PTPRD: variants seen among roughly 807,000 people sequenced by gnomAD.
PTPRD encodes receptor-type tyrosine-protein phosphatase delta.
Under a neutral mutation model 214.5 loss-of-function variants are expected in PTPRD, and 34 were observed. The observed-to-expected ratio is 0.16, with a 90% CI of 0.12 to 0.21. The LOEUF (loss-of-function observed/expected upper bound fraction) is 0.21, where lower values mean the gene tolerates loss of function less well. Ranked by LOEUF, PTPRD falls within the 10% of genes least tolerant of loss-of-function variation. The probability of loss-of-function intolerance (pLI) is 1.00; values close to 1 mark genes in which losing one functional copy is unlikely to be tolerated. For synonymous variants in PTPRD, 1,128 were observed against 845.7 expected, an observed-to-expected ratio of 1.33 and a Z score of -5.79; for missense variants, 2,545 against 2,398.7, an observed-to-expected ratio of 1.06 and a Z score of -1.27.
chr9:9,005,943 A>T (rs1046359320), intron 11 of PTPRD, among the ~76,000 whole-genome samples: 2 of 152,038 alleles, frequency 1.3e-5, no homozygotes, highest in Non-Finnish European at 2.9e-5. Flanking sequence ...TGGAAAATAT[A>T]CAGTTCTAGA....
chr9:9,423,816 C>A lies in PTPRD; in HGVS notation c.-236-26334G>T, dbSNP rs549690481. On this transcript the variant is annotated intron_variant, in intron 8 of 45. Transcript: ENST00000381196. ...TGGTGATTTGAAACATAAAGCAGTA[C>A]AAAATATTCTAGTTGATATACAGAG... Among the ~76,000 whole-genome samples, 307 of 152,072 alleles carry A rather than the reference C, an allele frequency of 2.0e-3. 1 individual carries two copies. The highest frequency in any genetic ancestry group is 6.7e-3 in the African/African-American group (277 of 41,474).
intron 3 of PTPRD, among the ~76,000 whole-genome samples, chr9:10,275,627 C>T (rs959846161): frequency 2.6e-5 from 4 of 152,026 alleles, no homozygotes; most frequent in Non-Finnish European, 5.9e-5. Flanking sequence ...AAAAAAGGGG[C>T]CAGTATCCAT....
At chr9:9,763,059 T>C (rs941233446) in intron 6 of PTPRD, among the ~76,000 whole-genome samples, 2 of 152,206 alleles carry the variant, frequency 1.3e-5, no homozygotes, top group African/African-American at 4.8e-5. Flanking sequence ...GATCTCTTCC[T>C]CTTCTTATAC....
intron 3 of PTPRD, among the ~76,000 whole-genome samples, chr9:10,249,907 G>A (rs972706834): frequency 1.1e-4 from 17 of 151,998 alleles, no homozygotes; most frequent in African/African-American, 3.9e-4. Flanking sequence ...TAAATAAAGC[G>A]CTTAAATATT....
chr9:9,438,846 A>C (rs757955413), intron 8 of PTPRD, among the ~76,000 whole-genome samples: 3 of 152,160 alleles, frequency 2.0e-5, no homozygotes, highest in Non-Finnish European at 4.4e-5. Context: ...ATTGAACATA[A>C]ATGTATCATT....
At chr9:10,511,173 C>A (rs1412899664) in intron 2 of PTPRD, among the ~76,000 whole-genome samples, 1 of 151,998 alleles carries the variant, frequency 6.6e-6, no homozygotes, top group African/African-American at 2.4e-5. Flanking sequence ...ATTTCATAGT[C>A]GAAGTATGTG....
chr9:9,937,237 A>T (rs1318707876), intron 5 of PTPRD, among the ~76,000 whole-genome samples: 1 of 149,624 alleles, frequency 6.7e-6, no homozygotes, highest in Non-Finnish European at 1.5e-5. Flanking sequence ...ATAAAAAAAA[A>T]TAAAAAATAA....
chr9:9,519,477 G>T (rs1372423814), intron 8 of PTPRD, among the ~76,000 whole-genome samples: 1 of 151,700 alleles, frequency 6.6e-6, no homozygotes, highest in Non-Finnish European at 1.5e-5. Flanking sequence ...AAGAATAAAG[G>T]CATATATAAT....
At chr9:8,548,837 G>C (rs567871905) in intron 14 of PTPRD, among the ~76,000 whole-genome samples, 22 of 151,750 alleles carry the variant, frequency 1.4e-4, no homozygotes, top group Admixed American at 1.1e-3. Context: ...TGGGATTACA[G>C]GCATGCACCA....
chr9:9,481,833 G>C (rs1196094180), intron 8 of PTPRD, among the ~76,000 whole-genome samples: 1 of 152,070 alleles, frequency 6.6e-6, no homozygotes, highest in African/African-American at 2.4e-5. Context: ...AAACCTGGTA[G>C]CCCCTGTCCT....
chr9:8,517,769 C>T, intron 21 of PTPRD, 79 bp downstream of exon 21: 1 of 1,222,036 alleles, frequency 8.2e-7, no homozygotes, highest in Non-Finnish European at 1.2e-6. Flanking sequence ...CATCTTTGTT[C>T]CTTCTTTGTT....
At chr9:9,998,224 G>A (rs1482007325) in intron 4 of PTPRD, among the ~76,000 whole-genome samples, 1 of 150,442 alleles carries the variant, frequency 6.6e-6, no homozygotes, top group Admixed American at 6.6e-5. Flanking sequence ...GAAGACCACT[G>A]GAGACAGAAC....
chr9:9,552,301 T>A (rs2080473116), intron 8 of PTPRD, among the ~76,000 whole-genome samples: 1 of 152,014 alleles, frequency 6.6e-6, no homozygotes, highest in Non-Finnish European at 1.5e-5. Context: ...TAATTTCAAG[T>A]CAGTCATTGT....
chr9:8,572,164 TG>T lies in PTPRD; in HGVS notation c.353-43386del, dbSNP rs1274467927. Among the ~76,000 whole-genome samples the T allele has an allele frequency of 7.2e-5, 11 of 152,244 alleles. No homozygotes were observed. The East Asian group carries it at 2.1e-3, about 29-fold the overall frequency. On this transcript the variant is annotated intron_variant, in intron 14 of 45. Transcript: ENST00000381196. ...GGCAAGTTCTGAGTGTCAGTTAAAC[TG>T]GACTGAATGTTTGAGTTTGTCATAA...
At chr9:9,982,351 G>T (rs534989771) in intron 4 of PTPRD, among the ~76,000 whole-genome samples, 1 of 152,202 alleles carries the variant, frequency 6.6e-6, no homozygotes, top group South Asian at 2.1e-4. Flanking sequence ...AGCATTTTTA[G>T]GGCACAATTA....
chr9:9,205,899 T>G (rs1043525003), intron 9 of PTPRD, among the ~76,000 whole-genome samples: 1 of 152,178 alleles, frequency 6.6e-6, no homozygotes, highest in African/African-American at 2.4e-5. Context: ...AAATCATTAT[T>G]TCAGTTTGTC....
intron 20 of PTPRD, among the ~76,000 whole-genome samples, 168 bp from the exon 21 acceptor site, chr9:8,518,597 A>C (rs1325935087): frequency 6.6e-6 from 1 of 152,218 alleles, no homozygotes; most frequent in Non-Finnish European, 1.5e-5. Context: ...GGACAGGAAA[A>C]CATTCATAGG....
intron 5 of PTPRD, among the ~76,000 whole-genome samples, chr9:9,772,968 A>C (rs2098765042): frequency 6.6e-6 from 1 of 152,202 alleles, no homozygotes; most frequent in African/African-American, 2.4e-5. Flanking sequence ...TCTTTCTAAA[A>C]AAGGAAATAA....
At chr9:10,598,741 T>C (rs1011224958) in intron 2 of PTPRD, among the ~76,000 whole-genome samples, 2 of 147,294 alleles carry the variant, frequency 1.4e-5, no homozygotes, top group African/African-American at 2.5e-5. Context: ...TGTAGATGGA[T>C]AGACAGAGAG....
Sources: gnomAD v4.1 joint callset for allele counts (sites outside exome capture counted in the v4.1 genomes callset) on GRCh38, gnomAD v4.1.1 for gene constraint, MANE v1.5 for transcripts, NCBI Gene and HGNC (gene_info 2026-07-23, HGNC 2026-07-21) for gene names.